TSPAN14: variants seen among roughly 807,000 people sequenced by gnomAD.
TSPAN14 encodes the protein tetraspanin-14.
TSPAN14 carries 16 observed loss-of-function variants against 36.6 expected under a neutral mutation model. The ratio of observed to expected loss-of-function variants is 0.44; its 90% CI spans 0.30 to 0.66. TSPAN14 has a LOEUF of 0.66. Ranked by LOEUF, TSPAN14 falls within the 30% of genes least tolerant of loss-of-function variation. TSPAN14 has a pLI of 0.12. For missense variants in TSPAN14, 231 were observed against 355.1 expected, an observed-to-expected ratio of 0.65 and a Z score of 2.81; for synonymous variants, 139 against 143.8, an observed-to-expected ratio of 0.97 and a Z score of 0.24.
rs199964121 is a variant in TSPAN14, at chr10:80,509,424, C to T, written c.403C>T (p.Arg135Trp). 27 of 1,614,086 alleles carry T rather than the reference C, an allele frequency of 1.7e-5. No individual in the cohort carries two copies. The highest frequency in any genetic ancestry group is 2.2e-5 in the East Asian group (1 of 44,876). ...CTTCGAGAGCAACATCAAGTCCTAC[C>T]GGGACGATATCGATCTGCAAAACCT... Residue 135 changes from arginine (R) to tryptophan (W), a missense_variant, in exon 5 of 9, where the codon CGG becomes TGG. By Grantham distance (101) the Arg-to-Trp change is moderately radical. Transcript: ENST00000429989. This position sits in a 1 kb window ranked among gnomAD's most constrained non-coding sequence, Gnocchi z 4.7.
At chr10:80,508,360 C>T (rs1170676009) in intron 4 of TSPAN14, among the ~76,000 whole-genome samples, 1 of 152,150 alleles carries the variant, frequency 6.6e-6, no homozygotes, top group Non-Finnish European at 1.5e-5. Flanking sequence ...CCTTGTGATC[C>T]TCTCGCCTCG....
chr10:80,487,330 T>TG (rs1191875995), intron 1 of TSPAN14, among the ~76,000 whole-genome samples: 1 of 117,458 alleles, frequency 8.5e-6, no homozygotes, highest in Non-Finnish European at 1.8e-5. Flanking sequence ...GGGGCGGGGG[T>TG]GGGGGACTTG....
At chr10:80,504,143 A>G (rs1840157510) in intron 2 of TSPAN14, among the ~76,000 whole-genome samples, 1 of 152,288 alleles carries the variant, frequency 6.6e-6, no homozygotes, top group South Asian at 2.1e-4. Context: ...CCCCCTGCTC[A>G]TTGTAGTTAA....
chr10:80,470,746 G>C (rs1846501488), intron 1 of TSPAN14, among the ~76,000 whole-genome samples: 1 of 152,178 alleles, frequency 6.6e-6, no homozygotes, highest in Non-Finnish European at 1.5e-5. Flanking sequence ...TCATCACTTG[G>C]AACATCTATG....
chr10:80,518,229 G>T, exon 9 of TSPAN14: 1 of 539,012 alleles, frequency 1.9e-6, no homozygotes, highest in South Asian at 2.2e-5. Flanking sequence ...TCTTTATGTG[G>T]GAGTGGTGAC....
chr10:80,501,018 A>G (rs1848480933), intron 2 of TSPAN14, among the ~76,000 whole-genome samples: 1 of 152,112 alleles, frequency 6.6e-6, no homozygotes, highest in South Asian at 2.1e-4. Flanking sequence ...TTTAGTCACT[A>G]TTTAGTCACC....
intron 1 of TSPAN14, among the ~76,000 whole-genome samples, chr10:80,480,875 A>G (rs1480157144): frequency 6.6e-6 from 1 of 152,204 alleles, no homozygotes; most frequent in Non-Finnish European, 1.5e-5. Context: ...GCACATGTAT[A>G]CATACGTAAC....
chr10:80,497,445 C>T (rs539536799), intron 2 of TSPAN14, among the ~76,000 whole-genome samples: 2 of 152,220 alleles, frequency 1.3e-5, no homozygotes, highest in Non-Finnish European at 2.9e-5. Flanking sequence ...TATGTATTAT[C>T]TATGGCTGCT....
At chr10:80,498,497 T>G (rs1848318122) in intron 2 of TSPAN14, among the ~76,000 whole-genome samples, 1 of 152,150 alleles carries the variant, frequency 6.6e-6, no homozygotes, top group African/African-American at 2.4e-5. Context: ...AAGGCCGTAT[T>G]TCCCTAAGCT....
intron 3 of TSPAN14, among the ~76,000 whole-genome samples, chr10:80,506,819 T>A (rs1483346950): frequency 6.6e-6 from 1 of 152,200 alleles, no homozygotes; most frequent in Non-Finnish European, 1.5e-5. Context: ...TTGAGGCTGT[T>A]TTCATCTCAG....
chr10:80,488,213 C>T (rs137940913), intron 1 of TSPAN14, among the ~76,000 whole-genome samples: 237 of 152,228 alleles, frequency 1.6e-3, no homozygotes, highest in African/African-American at 5.5e-3. Flanking sequence ...TTGAGGCACT[C>T]CCTCCTTCCC....
intron 2 of TSPAN14, 93 bp from the exon 3 acceptor site, chr10:80,504,635 C>T (rs1840187965): frequency 2.7e-6 from 4 of 1,487,618 alleles, no homozygotes; most frequent in East Asian, 2.3e-5. Flanking sequence ...AGGAGCATGC[C>T]CTACCTGGCA....
intron 1 of TSPAN14, among the ~76,000 whole-genome samples, chr10:80,463,602 C>T (rs568863115): frequency 2.0e-4 from 31 of 152,200 alleles, no homozygotes; most frequent in Non-Finnish European, 2.6e-4. Flanking sequence ...CATGATTCTG[C>T]TGCACAGTGA....
At chr10:80,497,818 G>A (rs1395734479) in intron 2 of TSPAN14, among the ~76,000 whole-genome samples, 1 of 152,188 alleles carries the variant, frequency 6.6e-6, no homozygotes, top group Admixed American at 6.5e-5. Flanking sequence ...CCCACATTGG[G>A]GCCCTCACAT....
intron 2 of TSPAN14, among the ~76,000 whole-genome samples, chr10:80,501,373 G>T (rs1482063201): frequency 6.8e-6 from 1 of 146,746 alleles, no homozygotes; most frequent in Non-Finnish European, 1.5e-5. Context: ...CAATCCTCCT[G>T]CCTCAGCCTC....
intron 1 of TSPAN14, among the ~76,000 whole-genome samples, chr10:80,484,480 G>A (rs1458185545): frequency 1.3e-5 from 2 of 152,044 alleles, no homozygotes; most frequent in African/African-American, 4.8e-5. Flanking sequence ...ACCACACCCA[G>A]CTAATTTTTG....
Position 80,485,587 on chromosome 10 carries a change from C to T in TSPAN14, c.-17-3630C>T, listed in dbSNP as rs571425204. The T allele has an allele frequency of 8.2e-6, 8 of 979,452 alleles. No homozygotes were observed. The African/African-American group carries it at 1.4e-4, about 17-fold the overall frequency. The allele number at this position is 979,452 out of a possible 1,614,324, so 60.7% of individuals were successfully genotyped here. On this transcript the variant is annotated intron_variant, in intron 1 of 8. Transcript: ENST00000429989. ...CTTAGGCTGGAGTCCTAATGAGTCT[C>T]CCATTTACCTTCTTCAGCTTAAACT...
At chr10:80,472,564 C>A (rs1016119282) in intron 1 of TSPAN14, among the ~76,000 whole-genome samples, 2 of 152,156 alleles carry the variant, frequency 1.3e-5, no homozygotes, top group Non-Finnish European at 2.9e-5. Context: ...GTTTTAGGAC[C>A]CATTGCAGAT....
chr10:80,479,666 G>A (rs1489074428), intron 1 of TSPAN14, among the ~76,000 whole-genome samples: 40 of 151,620 alleles, frequency 2.6e-4, no homozygotes, highest in Admixed American at 2.0e-3. Context: ...CTGTTTTGGT[G>A]CCAGTACCAT....
Sources: allele counts gnomAD v4.1 joint callset (sites outside exome capture counted in the v4.1 genomes callset), GRCh38; gene constraint gnomAD v4.1.1; non-coding constraint Gnocchi (gnomAD v3.1); transcripts MANE v1.5; gene names NCBI Gene and HGNC (gene_info 2026-07-23, HGNC 2026-07-21).